NUP214: variants seen among roughly 807,000 people sequenced by gnomAD.
The protein encoded by NUP214 is nucleoporin 214.
In NUP214, 79 loss-of-function variants were observed where a neutral mutation model predicts 196.2. The ratio of observed to expected loss-of-function variants is 0.40; its 90% confidence interval spans 0.34 to 0.49. The LOEUF is 0.49. NUP214 is among the 20% of genes least tolerant of loss of function. The pLI, the probability that NUP214 is intolerant of heterozygous loss-of-function variation, is 0.58. For synonymous variants in NUP214, 1,020 were observed against 990.5 expected (o/e 1.03, Z -0.56); for missense variants, 2,468 against 2,539.0 (o/e 0.97, Z 0.60).
intron 4 of NUP214, 111 bp from the exon 5 acceptor site, chr9:131,130,655 A>G (rs1056228204): frequency 1.4e-5 from 14 of 1,002,246 alleles, no homozygotes; most frequent in Admixed American, 2.0e-5. Flanking sequence ...TGATCCTACA[A>G]TCTTCCATGG....
In NUP214 at chr9:131,130,826, A is replaced by G. The variant is rs768028353; in HGVS notation, c.653A>G (p.Gln218Arg). ...AVGKQNGTVV[Q>R]YLPTLQEKKV... ...GGAAAACAGAATGGAACTGTGGTCC[A>G]GTATCTTCCTGTAAGTTCTTATCTT... is the stretch of plus-strand genomic sequence containing the variant. Residue 218 changes from glutamine (Q) to arginine (R), a missense_variant, in exon 5 of 36, where the codon CAG (glutamine) becomes CGG (arginine). By Grantham distance (43) the Gln-to-Arg change is conservative. Transcript: ENST00000359428. 1 of 1,614,110 alleles carries G rather than the reference A, an allele frequency of 6.2e-7. No homozygotes were observed.
chr9:131,135,835 C>T lies in NUP214; in HGVS notation c.939-105C>T, dbSNP rs193276534. 1.2e-4 allele frequency: 99 copies of T among 793,674 alleles called. 1 individual carries two copies. The highest frequency in any genetic ancestry group is 1.3e-4 in the East Asian group (5 of 39,816). The allele number at this position is 793,674 out of a possible 1,614,324, so 49.2% of individuals were successfully genotyped here. On this transcript the variant is annotated intron_variant, in intron 8 of 35. Transcript: ENST00000359428. ...AACCAGATAAAAAACCTTACTCTCT[C>T]TTTGACATGTGGAGGCAGCCCTCAC...
At chr9:131,127,456 C>A in intron 1 of NUP214, 68 bp from the exon 2 acceptor site, 2 of 1,265,106 alleles carry the variant, frequency 1.6e-6, no homozygotes, top group South Asian at 1.4e-5. Flanking sequence ...GAAATTGGGT[C>A]TACTGAATAT....
intron 29 of NUP214, among the ~76,000 whole-genome samples, chr9:131,201,173 A>C (rs1365498593): frequency 6.6e-6 from 1 of 150,790 alleles, no homozygotes; most frequent in African/African-American, 2.5e-5. Flanking sequence ...GTCATTTAAA[A>C]AGAAATAAAC....
intron 29 of NUP214, 122 bp downstream of exon 29, chr9:131,199,137 AAAG>A: frequency 8.1e-7 from 1 of 1,235,632 alleles, no homozygotes; most frequent in Non-Finnish European, 1.1e-6. Context: ...TCTGTAGGTT[AAAG>A]AAGACAGCTT....
At chr9:131,183,378 C>A (rs960313367) in intron 24 of NUP214, among the ~76,000 whole-genome samples, 1 of 152,204 alleles carries the variant, frequency 6.6e-6, no homozygotes, top group Non-Finnish European at 1.5e-5. Context: ...AGCCACCGCG[C>A]CCGGCTGACT....
chr9:131,142,562 G>A (rs1831950805), intron 11 of NUP214, among the ~76,000 whole-genome samples: 1 of 152,208 alleles, frequency 6.6e-6, no homozygotes, highest in East Asian at 1.9e-4. Flanking sequence ...CCAATAATCA[G>A]TTCTGTTTTC....
In NUP214 at chr9:131,132,119, C is replaced by CTTTTTTTTTTTTTTTTTTTTTTTTTTTT. The variant is rs71389396; in HGVS notation, c.664-461_664-460insTTTTTTTTTTTTTTTTTTTTTTTTTTTT. The stretch of plus-strand genomic sequence containing the variant: ...TTCATGCGTTTCTTTTCTTTTCTTT[C>CTTTTTTTTTTTTTTTTTTTTTTTTTTTT]TTTTTTTTTTTTTTTTGGAGACCAA... On this transcript the variant is annotated intron_variant, in intron 5 of 35. Coordinates refer to ENST00000359428, the MANE Select transcript of NUP214 (RefSeq NM_005085.4). 1.7e-5 allele frequency among the ~76,000 whole-genome samples: 2 copies of CTTTTTTTTTTTTTTTTTTTTTTTTTTTT among 114,660 alleles called. 1 individual carries two copies. Among genetic ancestry groups the CTTTTTTTTTTTTTTTTTTTTTTTTTTTT allele is most frequent in the African/African-American group, 7.2e-5 (2 of 27,676 alleles). The allele number at this position is 114,660 out of a possible 152,430, so 75.2% of individuals were successfully genotyped here. A position where few individuals can be genotyped will look rare whatever the true frequency, so the allele number is the denominator to read the frequency against.
chr9:131,159,379 A>C lies in NUP214; in HGVS notation c.2437-4A>C. On this transcript the variant is annotated splice_polypyrimidine_tract_variant and splice_region_variant and intron_variant, in intron 17 of 35. Transcript: ENST00000359428. Reference sequence around the variant, plus strand: ...TTATTTGCCTTTTAATTTTTTTCTTATAGGAAATTCGGCGCCTTCATCAGT... The same window carrying C: ...TTATTTGCCTTTTAATTTTTTTCTTCTAGGAAATTCGGCGCCTTCATCAGT... The C allele has an allele frequency of 6.2e-7, 1 of 1,609,546 alleles. No individual in the cohort carries two copies. Among genetic ancestry groups the C allele is most frequent in the Non-Finnish European group, 8.5e-7 (1 of 1,177,902 alleles).
intron 32 of NUP214, among the ~76,000 whole-genome samples, chr9:131,223,894 C>G (rs1361202041): frequency 1.3e-5 from 2 of 150,374 alleles, no homozygotes; most frequent in Non-Finnish European, 3.0e-5. Flanking sequence ...GCCACCACGC[C>G]CGGCTAATTT....
intron 21 of NUP214, among the ~76,000 whole-genome samples, chr9:131,171,248 A>G (rs1832947998): frequency 1.3e-5 from 2 of 152,276 alleles, no homozygotes; most frequent in Non-Finnish European, 2.9e-5. Flanking sequence ...AAGGCAGGTA[A>G]ATTGCCTCAG....
chr9:131,139,558 C>G, intron 10 of NUP214, 151 bp downstream of exon 10: 1 of 1,147,580 alleles, frequency 8.7e-7, no homozygotes. Context: ...TGATAACAGG[C>G]TGCGTTGTGA....
Position 131,163,945 on chromosome 9 carries a change from C to A in NUP214, c.2799C>A (p.Pro933=). Reference sequence around the variant, plus strand: ...TAGAATCTCACACCAAATCCTTGCCCAAAGTACCAGGTAATTGCATCCTTC... The same window carrying A: ...TAGAATCTCACACCAAATCCTTGCCAAAAGTACCAGGTAATTGCATCCTTC... The part of the protein sequence containing the change: ...TTIESHTKSL[P]KVPAKLSPMK... Residue 933 remains proline (P), a synonymous_variant, in exon 20 of 36, where the codon CCC becomes CCA. Coordinates refer to ENST00000359428, the MANE Select transcript of NUP214 (RefSeq NM_005085.4). The A allele has an allele frequency of 6.2e-7, 1 of 1,614,068 alleles. No individual in the cohort carries two copies. The highest frequency in any genetic ancestry group is 8.5e-7 in the Non-Finnish European group (1 of 1,179,928).
rs752558320 is a variant in NUP214, at chr9:131,146,239, C to T, written c.1880C>T (p.Pro627Leu). The part of the protein sequence containing the change: ...KPAASGPLSH[P>L]TPLSAPPSSV... ...GCTGCTTCTGGACCACTCAGCCACC[C>T]CACACCTCTCTCAGCACCACCTAGT... The change falls in exon 13 of 36, where the codon CCC (proline) becomes CTC (leucine). Residue 627 changes from proline (P) to leucine (L), a missense_variant. This residue lies in a region of NUP214 where 1,801 missense variants were observed against 1,779.4 expected (regional missense o/e 1.01). Transcript: ENST00000359428. The surrounding 1 kb of genome is among the most constrained non-coding windows in gnomAD (Gnocchi z 4.6). 2 of 1,614,142 alleles carry T rather than the reference C, an allele frequency of 1.2e-6. No individual in the cohort carries two copies. The highest frequency in any genetic ancestry group is 1.7e-5 in the Admixed American group (1 of 60,016).
intron 24 of NUP214, among the ~76,000 whole-genome samples, chr9:131,181,156 G>A (rs138293150): frequency 6.6e-6 from 1 of 152,100 alleles, no homozygotes; most frequent in African/African-American, 2.4e-5. Context: ...AGAGAGAAAG[G>A]CCACACAGCA....
chr9:131,216,226 T>C (rs962795207), intron 31 of NUP214, among the ~76,000 whole-genome samples: 1 of 149,004 alleles, frequency 6.7e-6, no homozygotes, highest in Non-Finnish European at 1.5e-5. Context: ...TTTTTTTTTT[T>C]TTTCTTTTTT....
intron 26 of NUP214, chr9:131,191,438 A>C (rs1266451731): frequency 6.6e-6 from 1 of 152,262 alleles, no homozygotes; most frequent in Non-Finnish European, 1.5e-5. Context: ...ACTGCACTCC[A>C]GCCTGGGCGA....
intron 24 of NUP214, among the ~76,000 whole-genome samples, chr9:131,182,211 T>C (rs1334275493): frequency 6.6e-6 from 1 of 152,272 alleles, no homozygotes; most frequent in Non-Finnish European, 1.5e-5. Context: ...AAGTGTATTT[T>C]ACCACAATAA....
At chr9:131,164,353 A>G (rs1832725793) in intron 21 of NUP214, 17 of 567,130 alleles carry the variant, frequency 3.0e-5, no homozygotes, top group Non-Finnish European at 5.0e-5. Flanking sequence ...ACCAGCTTAT[A>G]TATACTTGAT....
Sources: gnomAD v4.1 joint callset for allele counts (sites outside exome capture counted in the v4.1 genomes callset) on GRCh38, gnomAD v4.1.1 for gene constraint, gnomAD v4.1.1 regional missense constraint, Gnocchi (gnomAD v3.1) non-coding constraint, MANE v1.5 for transcripts, NCBI Gene and HGNC (gene_info 2026-07-23, HGNC 2026-07-21) for gene names.